DYNC2I1: variants seen among roughly 807,000 people sequenced by gnomAD.
The protein encoded by DYNC2I1 is cytoplasmic dynein 2 intermediate chain 1.
In DYNC2I1, 89 loss-of-function variants were observed where a neutral mutation model predicts 133.4. That is an observed-to-expected ratio of 0.67 (90% CI 0.56 to 0.80). The LOEUF is 0.80. Ranked by LOEUF, DYNC2I1 falls within the 30% of genes least tolerant of loss-of-function variation. DYNC2I1 has a pLI of 0.00. For synonymous variants in DYNC2I1, 504 were observed against 484.3 expected (o/e 1.04, Z -0.54); for missense variants, 1,291 against 1,314.5 (o/e 0.98, Z 0.28).
chr7:158,905,140 C>CTTTTT (rs77389434), intron 10 of DYNC2I1: 139 of 338,092 alleles, frequency 4.1e-4, no homozygotes, highest in Middle Eastern at 1.0e-3. Flanking sequence ...CTTTCTTTTT[C>CTTTTT]TTTTTTTTTT....
intron 1 of DYNC2I1, among the ~76,000 whole-genome samples, chr7:158,867,199 T>C (rs1363664463): frequency 6.6e-6 from 1 of 152,090 alleles, no homozygotes; most frequent in Non-Finnish European, 1.5e-5. Flanking sequence ...ACCAGGGTTG[T>C]GGGGTTGTAG....
At chr7:158,952,534 G>A (rs1478764708) in intron 4 of DYNC2I1, among the ~76,000 whole-genome samples, 3 of 150,728 alleles carry the variant, frequency 2.0e-5, no homozygotes, top group African/African-American at 7.3e-5. Context: ...TTTACAGCCT[G>A]ACAGTAAAAG....
rs371661539 is a variant in DYNC2I1 at position 158,953,743 on chromosome 7, ATGTT to A, written c.*57-2839_*57-2836del. Among the ~76,000 whole-genome samples, 278 of 152,222 alleles carry A rather than the reference ATGTT, an allele frequency of 1.8e-3. 1 individual carries two copies. Among genetic ancestry groups the A allele is most frequent in the African/African-American group, 6.2e-3 (257 of 41,510 alleles). ...GTATATATATGTTACATGTGTGTGT[ATGTT>A]ACATATATGTGTAATAAGTACCTGA... On this transcript the variant is annotated intron_variant and NMD_transcript_variant, in intron 4 of 4. Coordinates refer to the DYNC2I1 transcript ENST00000454771.
At chr7:158,908,804 G>C (rs1367737492) in intron 11 of DYNC2I1, among the ~76,000 whole-genome samples, 1 of 152,198 alleles carries the variant, frequency 6.6e-6, no homozygotes, top group East Asian at 1.9e-4. Context: ...GGAAATACCT[G>C]TCGGTGGCTC....
chr7:158,856,279 C>A (rs910259434), upstream of DYNC2I1, among the ~76,000 whole-genome samples: 8 of 152,152 alleles, frequency 5.3e-5, no homozygotes, highest in Non-Finnish European at 8.8e-5. Context: ...ATCTGCTCTC[C>A]CTTTCTATCT....
chr7:158,872,720 GGCACAGT>G (rs1842993008), intron 3 of DYNC2I1, among the ~76,000 whole-genome samples: 1 of 151,770 alleles, frequency 6.6e-6, no homozygotes, highest in African/African-American at 2.4e-5. Flanking sequence ...TTTAGGGCCA[GGCACAGT>G]GCCTCATGCC....
At chr7:158,937,948 A>G (rs1850935263) in intron 23 of DYNC2I1, among the ~76,000 whole-genome samples, 1 of 152,144 alleles carries the variant, frequency 6.6e-6, no homozygotes, top group Non-Finnish European at 1.5e-5. Flanking sequence ...AAAAAGAACA[A>G]AAAGGAATAA....
intron 8 of DYNC2I1, among the ~76,000 whole-genome samples, chr7:158,898,680 G>T (rs1159802912): frequency 6.6e-6 from 1 of 152,112 alleles, no homozygotes; most frequent in Non-Finnish European, 1.5e-5. Flanking sequence ...GGTACATTTA[G>T]ATCATTGATG....
intron 14 of DYNC2I1, 24 bp from the exon 15 acceptor site, chr7:158,918,716 A>G (rs1848726743): frequency 6.2e-7 from 1 of 1,608,822 alleles, no homozygotes; most frequent in Non-Finnish European, 8.5e-7. Context: ...TTTTTATTAA[A>G]GACTACTCAC....
chr7:158,913,133 C>T, intron 13 of DYNC2I1, 37 bp downstream of exon 13: 1 of 1,426,458 alleles, frequency 7.0e-7, no homozygotes, highest in Non-Finnish European at 9.7e-7. Context: ...CATTGACTCT[C>T]TTTACATTCT....
At chr7:158,921,321 C>T (rs1334295719) in intron 15 of DYNC2I1, among the ~76,000 whole-genome samples, 2 of 152,178 alleles carry the variant, frequency 1.3e-5, no homozygotes, top group Admixed American at 6.5e-5. Flanking sequence ...GAGGAGACCA[C>T]GGTGGACAGT....
the DYNC2I1 span, among the ~76,000 whole-genome samples, chr7:158,843,996 T>A: frequency 5.9e-5 from 9 of 152,158 alleles, no homozygotes; most frequent in Non-Finnish European, 1.2e-4. Context: ...ACTTTACATG[T>A]GGAAAGAAAG....
At chr7:158,862,232 C>T (rs748276567) in intron 1 of DYNC2I1, among the ~76,000 whole-genome samples, 1 of 152,086 alleles carries the variant, frequency 6.6e-6, no homozygotes, top group Non-Finnish European at 1.5e-5. Context: ...AGGGCCACAG[C>T]CTGGGAAACA....
At chr7:158,954,382 C>T (rs1852145726) in intron 4 of DYNC2I1, among the ~76,000 whole-genome samples, 1 of 152,222 alleles carries the variant, frequency 6.6e-6, no homozygotes, top group African/African-American at 2.4e-5. Context: ...TAGTGGCTCA[C>T]ACCTGTAATC....
intron 8 of DYNC2I1, 55 bp downstream of exon 8, chr7:158,891,388 T>TCA (rs979284175): frequency 1.3e-6 from 2 of 1,597,338 alleles, no homozygotes; most frequent in African/African-American, 2.7e-5. Context: ...ACAGACCCAC[T>TCA]CACATTTGCT....
rs940559740 is a variant in DYNC2I1, at chr7:158,952,172, G to A, written c.*57-4411G>A. On this transcript the variant is annotated intron_variant and NMD_transcript_variant, in intron 4 of 4. Transcript: ENST00000454771. ...CTTCCGAGGAGGGCGCGGTAAACACGCACGCTGGCACCTGTGGGATGCGCT... is the reference window on the plus strand; with the variant it reads ...CTTCCGAGGAGGGCGCGGTAAACACACACGCTGGCACCTGTGGGATGCGCT... Among the ~76,000 whole-genome samples the A allele has an allele frequency of 6.6e-5, 10 of 152,154 alleles. No homozygotes were observed. The East Asian group carries it at 1.4e-3, about 21-fold the overall frequency.
At position 158,911,573 on chromosome 7, in the gene DYNC2I1, G is replaced by C. The variant is rs772956452; in HGVS notation, c.1484G>C (p.Arg495Pro). 1.2e-6 allele frequency: 2 copies of C among 1,613,170 alleles called. No individual in the cohort carries two copies. The highest frequency in any genetic ancestry group is 4.5e-5 in the East Asian group (2 of 44,856). The change falls in exon 12 of 25, where the codon CGG becomes CCG. Residue 495 changes from arginine to proline, a missense_variant. Physicochemically the swap from Arg to Pro is moderately radical, Grantham distance 103. Transcript: ENST00000407559. ...KQKMRSTKLL[R>P]LIDLDFSFTF... ...AGGATGCGAAGTACAAAACTGCTTC[G>C]GCTCATTGACTTAGATTTTTCATTT...
At chr7:158,876,492 T>A in intron 3 of DYNC2I1, 117 bp from the exon 4 acceptor site, 1 of 1,312,374 alleles carries the variant, frequency 7.6e-7, no homozygotes, top group Non-Finnish European at 1.0e-6. Context: ...TGAAGAATAT[T>A]TTCAAATACA....
At chr7:158,880,141 G>T (rs926710421) in intron 5 of DYNC2I1, among the ~76,000 whole-genome samples, 152 bp downstream of exon 5, 3 of 152,208 alleles carry the variant, frequency 2.0e-5, no homozygotes, top group African/African-American at 7.2e-5. Flanking sequence ...TGATTACGTG[G>T]TTAGTATAGA....
Sources: allele counts gnomAD v4.1 joint callset (sites outside exome capture counted in the v4.1 genomes callset), GRCh38; gene constraint gnomAD v4.1.1; transcripts MANE v1.5; gene names NCBI Gene and HGNC (gene_info 2026-07-23, HGNC 2026-07-21).